The following PDE4B variants were observed in gnomAD, a reference collection of about 807,000 sequenced individuals.
PDE4B encodes the protein phosphodiesterase 4B.
Under a neutral mutation model 82.2 loss-of-function variants are expected in PDE4B, and 20 were observed. That is an observed-to-expected ratio of 0.24 (90% CI 0.17 to 0.35). The LOEUF is 0.35. Ranked by LOEUF, PDE4B falls within the 10% of genes least tolerant of loss-of-function variation. The pLI is 1.00. For synonymous variants in PDE4B, 320 were observed against 318.9 expected, an observed-to-expected ratio of 1.00 and a Z score of -0.04; for missense variants, 655 against 907.2, an observed-to-expected ratio of 0.72 and a Z score of 3.57.
intron 3 of PDE4B, among the ~76,000 whole-genome samples, chr1:66,126,683 T>C (rs1428150721): frequency 6.6e-6 from 1 of 152,214 alleles, no homozygotes; most frequent in Non-Finnish European, 1.5e-5. Context: ...GTAATAATAG[T>C]TGCAGGCAAG....
intron 1 of PDE4B, among the ~76,000 whole-genome samples, chr1:65,807,696 T>A (rs912037138): frequency 1.2e-4 from 19 of 152,354 alleles, no homozygotes; most frequent in Admixed American, 1.2e-3. Flanking sequence ...AACGGTCTCT[T>A]GGCTATTTTC....
At chr1:66,308,532 G>T (rs1010901279) in intron 7 of PDE4B, among the ~76,000 whole-genome samples, 4 of 152,128 alleles carry the variant, frequency 2.6e-5, no homozygotes, top group African/African-American at 9.7e-5. Context: ...TTACCATCTT[G>T]ACATCTTGGC....
At chr1:66,205,310 C>A (rs1460502024) in intron 3 of PDE4B, among the ~76,000 whole-genome samples, 1 of 152,174 alleles carries the variant, frequency 6.6e-6, no homozygotes, top group African/African-American at 2.4e-5. Flanking sequence ...AGAGGCTGAG[C>A]AAACTTTGTA....
intron 3 of PDE4B, among the ~76,000 whole-genome samples, chr1:66,142,838 G>T (rs1224319278): frequency 6.6e-6 from 1 of 152,158 alleles, no homozygotes; most frequent in Non-Finnish European, 1.5e-5. Context: ...AAAAAAGTTA[G>T]TCAGAAAGAA....
chr1:66,319,631 C>G (rs962469019), intron 7 of PDE4B, among the ~76,000 whole-genome samples: 1 of 152,170 alleles, frequency 6.6e-6, no homozygotes, highest in African/African-American at 2.4e-5. Flanking sequence ...TCTACATTTT[C>G]TAGTTATGGG....
At chr1:65,856,947 G>T (rs1245610243) in intron 1 of PDE4B, among the ~76,000 whole-genome samples, 1 of 152,176 alleles carries the variant, frequency 6.6e-6, no homozygotes, top group Non-Finnish European at 1.5e-5. Flanking sequence ...AGTGGATAGT[G>T]TCAGATATCT....
At chr1:66,084,906 C>T (rs986479114) in intron 3 of PDE4B, among the ~76,000 whole-genome samples, 1 of 152,080 alleles carries the variant, frequency 6.6e-6, no homozygotes, top group African/African-American at 2.4e-5. Flanking sequence ...AGGTACTGAT[C>T]AAGAAACCAA....
intron 3 of PDE4B, among the ~76,000 whole-genome samples, chr1:66,090,621 A>ATATGTGTGTGTGTGTGTGTGTGTGTGTG: frequency 8.1e-6 from 1 of 122,738 alleles, no homozygotes; most frequent in African/African-American, 4.1e-5. Flanking sequence ...TATATAATAT[A>ATATGTGTGTGTGTGTGTGTGTGTGTGTG]TGTGTGTGTG....
chr1:66,049,611 G>A (rs1284682792), intron 3 of PDE4B, among the ~76,000 whole-genome samples: 1 of 151,944 alleles, frequency 6.6e-6, no homozygotes, highest in African/African-American at 2.4e-5. Flanking sequence ...ATTAAAATTA[G>A]TATGCTGACA....
At chr1:66,321,825 T>C (rs1659423498) in intron 7 of PDE4B, among the ~76,000 whole-genome samples, 1 of 152,104 alleles carries the variant, frequency 6.6e-6, no homozygotes, top group Non-Finnish European at 1.5e-5. Flanking sequence ...AAAACTACTT[T>C]AAAGCTCATA....
At chr1:65,892,761 A>G (rs1015261341) in intron 1 of PDE4B, among the ~76,000 whole-genome samples, 1 of 152,140 alleles carries the variant, frequency 6.6e-6, no homozygotes. Flanking sequence ...CCCGCCCCCA[A>G]TAAACAATAA....
intron 8 of PDE4B, among the ~76,000 whole-genome samples, chr1:66,336,919 GC>G (rs1181799544): frequency 2.6e-5 from 4 of 152,204 alleles, no homozygotes; most frequent in African/African-American, 9.7e-5. Flanking sequence ...ATTCTACCAG[GC>G]CCCGAGCCAG....
chr1:66,237,205 C>G (rs146976500), intron 3 of PDE4B, among the ~76,000 whole-genome samples: 1 of 152,182 alleles, frequency 6.6e-6, no homozygotes, highest in Admixed American at 6.5e-5. Flanking sequence ...AAATGCCAGG[C>G]TGTCTGCAGG....
chr1:66,071,020 CAG>C (rs1435116524), intron 3 of PDE4B, among the ~76,000 whole-genome samples: 1 of 151,890 alleles, frequency 6.6e-6, no homozygotes, highest in Non-Finnish European at 1.5e-5. Context: ...ACTCTTTCTT[CAG>C]AGTAAATTAT....
chr1:65,852,900 A>C (rs1249767606), intron 1 of PDE4B, among the ~76,000 whole-genome samples: 1 of 152,008 alleles, frequency 6.6e-6, no homozygotes, highest in Non-Finnish European at 1.5e-5. Flanking sequence ...CAATTGGGTA[A>C]ATTTATTGAT....
intron 3 of PDE4B, among the ~76,000 whole-genome samples, chr1:66,215,134 C>G (rs1257397568): frequency 1.3e-5 from 2 of 152,048 alleles, no homozygotes; most frequent in Admixed American, 6.6e-5. Context: ...AAGCTCAGCA[C>G]AGGAAGTACA....
At chr1:66,044,988 TA>T (rs1017757270) in intron 3 of PDE4B, among the ~76,000 whole-genome samples, 1 of 151,686 alleles carries the variant, frequency 6.6e-6, no homozygotes, top group Non-Finnish European at 1.5e-5. Context: ...AATAATGACA[TA>T]TTTTTAAATC....
chr1:65,965,176 G>A (rs1352812541), intron 3 of PDE4B, among the ~76,000 whole-genome samples: 1 of 152,068 alleles, frequency 6.6e-6, no homozygotes, highest in African/African-American at 2.4e-5. Flanking sequence ...GTGAGTGGGG[G>A]TAACCTAGAG....
At chr1:66,255,125 C>T (rs959532315) in intron 4 of PDE4B, among the ~76,000 whole-genome samples, 4 of 150,870 alleles carry the variant, frequency 2.7e-5, no homozygotes, top group African/African-American at 4.9e-5. Flanking sequence ...ACTCTTATTG[C>T]CCAGGCTGGA....
Sources: gnomAD v4.1 joint callset for allele counts (sites outside exome capture counted in the v4.1 genomes callset) on GRCh38, gnomAD v4.1.1 for gene constraint, MANE v1.5 for transcripts, NCBI Gene and HGNC (gene_info 2026-07-23, HGNC 2026-07-21) for gene names.